The following C16orf96 variants were observed in gnomAD, a reference collection of about 807,000 sequenced individuals.
C16orf96 encodes uncharacterized protein C16orf96.
Under a neutral mutation model 103.6 loss-of-function variants are expected in C16orf96, and 108 were observed. The ratio of observed to expected loss-of-function variants is 1.04; its 90% confidence interval spans 0.89 to 1.22. The LOEUF (loss-of-function observed/expected upper bound fraction) is 1.22. C16orf96 is among the 50% of genes most tolerant of loss of function. The pLI, the probability that C16orf96 is intolerant of heterozygous loss-of-function variation, is 0.00. For synonymous variants in C16orf96, 566 were observed against 593.5 expected (o/e 0.95, Z 0.67); for missense variants, 1,586 against 1,464.2 (o/e 1.08, Z -1.36).
chr16:4,589,601 CA>C (rs112131978), intron 9 of C16orf96, among the ~76,000 whole-genome samples: 5,739 of 106,354 alleles, frequency 0.054, 269 homozygotes, highest in African/African-American at 0.15. Flanking sequence ...CCCTATCTCA[CA>C]AAAAAAAAAA....
upstream of C16orf96, among the ~76,000 whole-genome samples, chr16:4,555,609 GGTCCACCC>G (rs1351519049): frequency 6.6e-6 from 1 of 151,852 alleles, no homozygotes; most frequent in Non-Finnish European, 1.5e-5. Flanking sequence ...CTGACCCCGT[GGTCCACCC>G]GCCTTGGCCT....
At chr16:4,578,099 G>A (rs1489229181) in intron 5 of C16orf96, among the ~76,000 whole-genome samples, 2 of 152,124 alleles carry the variant, frequency 1.3e-5, no homozygotes, top group Non-Finnish European at 2.9e-5. Context: ...AACAGAGTGA[G>A]ACCTTGTCTC....
rs1438054042 is a variant in C16orf96 at position 4,600,338 on chromosome 16, C to T, written c.*21C>T. The T allele has an allele frequency of 6.6e-7, 1 of 1,517,480 alleles. No homozygotes were observed. Among genetic ancestry groups the T allele is most frequent in the Non-Finnish European group, 8.9e-7 (1 of 1,121,374 alleles). 94.0% of individuals were successfully genotyped at this position (1,517,480 alleles called of 1,614,324 possible). Reference sequence around the variant, plus strand: ...CGTGAGCCCCACCCCGCTGCGCCCCCCATCGCCAAGTCCCCTCCACGTCCG... The same window carrying T: ...CGTGAGCCCCACCCCGCTGCGCCCCTCATCGCCAAGTCCCCTCCACGTCCG... On this transcript the variant is annotated 3_prime_UTR_variant, in exon 16 of 16. Coordinates refer to ENST00000444310, the MANE Select transcript of C16orf96 (RefSeq NM_001145011.2).
chr16:4,594,672 C>T (rs1051842877), intron 13 of C16orf96, 32 bp from the exon 14 acceptor site: 19 of 1,548,692 alleles, frequency 1.2e-5, no homozygotes, highest in Non-Finnish European at 1.7e-5. Flanking sequence ...GGGTCGGGGG[C>T]TCCCTAACCC....
intron 1 of C16orf96, among the ~76,000 whole-genome samples, chr16:4,567,165 ACC>A (rs1316469220): frequency 6.6e-6 from 1 of 151,892 alleles, no homozygotes; most frequent in African/African-American, 2.4e-5. Flanking sequence ...GTGTCTAATC[ACC>A]ACTTTAGCTG....
At chr16:4,594,045 C>T (rs969785505) in intron 12 of C16orf96, among the ~76,000 whole-genome samples, 8 of 152,166 alleles carry the variant, frequency 5.3e-5, no homozygotes, top group Admixed American at 2.6e-4. Context: ...GGGGCCTGTG[C>T]TGACTCTGCC....
the C16orf96 span, among the ~76,000 whole-genome samples, chr16:4,550,994 C>T: frequency 6.6e-6 from 1 of 152,206 alleles, no homozygotes; most frequent in Non-Finnish European, 1.5e-5. Flanking sequence ...TGCTCAGGGT[C>T]GGGCGCGGTG....
chr16:4,549,245 T>C, the C16orf96 span, among the ~76,000 whole-genome samples: 5 of 151,546 alleles, frequency 3.3e-5, no homozygotes, highest in Non-Finnish European at 5.9e-5. Flanking sequence ...GAGGCCAAGG[T>C]GGGTGGATCA....
intron 1 of C16orf96, chr16:4,560,044 G>A (rs975015305): frequency 6.6e-6 from 1 of 152,062 alleles, no homozygotes; most frequent in Non-Finnish European, 1.5e-5. Context: ...TTGAGACAGA[G>A]TCTCACTCTG....
chr16:4,600,151 C>G lies in C16orf96; in HGVS notation c.3260C>G (p.Thr1087Arg). The G allele has an allele frequency of 1.9e-6, 3 of 1,551,658 alleles. No individual in the cohort carries two copies. The highest frequency in any genetic ancestry group is 2.4e-5 in the East Asian group (1 of 40,900). Residue 1087 changes from threonine (T) to arginine (R), a missense_variant, in exon 16 of 16, where the codon ACG becomes AGG. Transcript: ENST00000444310. Reference protein sequence around the residue: ...ACSAASGPHLTMPARPPSLPP... With the variant: ...ACSAASGPHLRMPARPPSLPP... ...TCAGCTGCCTCGGGCCCTCACCTGA[C>G]GATGCCAGCTCGACCACCTTCCCTG...
Position 4,556,422 on chromosome 16 carries a change from C to G in C16orf96, c.-68C>G. 1 of 1,436,498 alleles carries G rather than the reference C, an allele frequency of 7.0e-7. No homozygotes were observed. The highest frequency in any genetic ancestry group is 9.2e-7 in the Non-Finnish European group (1 of 1,081,694). 89.0% of individuals were successfully genotyped at this position (1,436,498 alleles called of 1,614,324 possible). ...GGACCAGTCCATGTAGCTCTCGGAACCACTGAAAGCTACCCCTTGTCCTTG... is the reference window on the plus strand; with the variant it reads ...GGACCAGTCCATGTAGCTCTCGGAAGCACTGAAAGCTACCCCTTGTCCTTG... On this transcript the variant is annotated 5_prime_UTR_variant, in exon 1 of 16. Coordinates refer to ENST00000444310, the MANE Select transcript of C16orf96 (RefSeq NM_001145011.2).
chr16:4,551,279 G>C, the C16orf96 span, among the ~76,000 whole-genome samples: 1 of 152,092 alleles, frequency 6.6e-6, no homozygotes, highest in African/African-American at 2.4e-5. Context: ...AAAAAAAGAA[G>C]TGCCCATATT....
At chr16:4,594,270 G>T in intron 12 of C16orf96, 81 bp from the exon 13 acceptor site, 1 of 1,465,098 alleles carries the variant, frequency 6.8e-7, no homozygotes, top group Non-Finnish European at 9.2e-7. Flanking sequence ...TTCCCTCGAT[G>T]CTGGCCAGGC....
rs76231504 is a variant in C16orf96 at position 4,557,517 on chromosome 16, G to T, written c.420+608G>T. 8.2e-3 allele frequency among the ~76,000 whole-genome samples: 1,246 copies of T among 152,242 alleles called. 15 individuals carry two copies. The highest frequency in any genetic ancestry group is 0.028 in the African/African-American group (1,181 of 41,542). Reference sequence around the variant, plus strand: ...CCAGGGGCTTGGAGGAGGAGAGAATGGGGAGTAATTGCTTTGTGGATATAG... The same window carrying T: ...CCAGGGGCTTGGAGGAGGAGAGAATTGGGAGTAATTGCTTTGTGGATATAG... On this transcript the variant is annotated intron_variant, in intron 1 of 15. Transcript: ENST00000444310.
intron 9 of C16orf96, among the ~76,000 whole-genome samples, chr16:4,590,960 A>G (rs1193890644): frequency 6.6e-6 from 1 of 151,828 alleles, no homozygotes; most frequent in Non-Finnish European, 1.5e-5. Flanking sequence ...TGAACCTGGG[A>G]GGCGGAGGTT....
chr16:4,567,807 C>T (rs1017190660), intron 1 of C16orf96, among the ~76,000 whole-genome samples: 2 of 144,556 alleles, frequency 1.4e-5, no homozygotes, highest in Non-Finnish European at 3.0e-5. Flanking sequence ...AAGCAGTTCT[C>T]CTGCCTCAGC....
At chr16:4,565,082 G>C (rs917171667) in intron 1 of C16orf96, among the ~76,000 whole-genome samples, 1 of 152,124 alleles carries the variant, frequency 6.6e-6, no homozygotes, top group Non-Finnish European at 1.5e-5. Flanking sequence ...TGTCTGAGGG[G>C]GTGTTTGCCT....
chr16:4,559,086 A>G (rs2059300314), intron 1 of C16orf96, among the ~76,000 whole-genome samples: 1 of 152,018 alleles, frequency 6.6e-6, no homozygotes, highest in African/African-American at 2.4e-5. Context: ...CTTGTCTCCA[A>G]AAAGGAGACC....
the C16orf96 span, among the ~76,000 whole-genome samples, chr16:4,548,088 G>A: frequency 6.6e-6 from 1 of 152,186 alleles, no homozygotes; most frequent in African/African-American, 2.4e-5. Flanking sequence ...TATCAGAAAA[G>A]GAGGGGCAGG....
Sources: gnomAD v4.1 joint callset for allele counts (sites outside exome capture counted in the v4.1 genomes callset) on GRCh38, gnomAD v4.1.1 for gene constraint, MANE v1.5 for transcripts, NCBI Gene and HGNC (gene_info 2026-07-23, HGNC 2026-07-21) for gene names.